The following FGGY variants were observed in gnomAD, a reference collection of about 807,000 sequenced individuals.
FGGY encodes the protein FGGY carbohydrate kinase domain-containing protein.
A neutral mutation model predicts 71.3 loss-of-function variants in FGGY; 72 were observed. The ratio of observed to expected loss-of-function variants is 1.01; its 90% CI spans 0.84 to 1.23. The LOEUF (loss-of-function observed/expected upper bound fraction) is 1.23, where lower values mean the gene tolerates loss of function less well. Ranked by LOEUF, FGGY falls within the 50% of genes most tolerant of loss-of-function variation. The probability of loss-of-function intolerance (pLI) is 0.00; values close to 1 mark genes in which losing one functional copy is unlikely to be tolerated. For synonymous variants in FGGY, 251 were observed against 250.3 expected, an observed-to-expected ratio of 1.00 and a Z score of -0.02; for missense variants, 668 against 682.3, an observed-to-expected ratio of 0.98 and a Z score of 0.23.
At chr1:59,579,674 C>T (rs756709643) in intron 8 of FGGY, among the ~76,000 whole-genome samples, 23 of 152,180 alleles carry the variant, frequency 1.5e-4, no homozygotes, top group Non-Finnish European at 3.1e-4. Context: ...CTAGTTCAAG[C>T]AGTTGTGCTC....
At chr1:59,655,241 G>A (rs755688464) in intron 11 of FGGY, among the ~76,000 whole-genome samples, 2 of 152,118 alleles carry the variant, frequency 1.3e-5, no homozygotes, top group East Asian at 1.9e-4. Flanking sequence ...TAAGAGAAAC[G>A]GAAAGAAAAT....
At chr1:59,435,977 T>A (rs2068369783) in intron 5 of FGGY, among the ~76,000 whole-genome samples, 1 of 152,190 alleles carries the variant, frequency 6.6e-6, no homozygotes, top group South Asian at 2.1e-4. Flanking sequence ...TCAGAGAGAC[T>A]GTGGCTGGCC....
intron 14 of FGGY, chr1:59,699,183 A>G (rs1410145769): frequency 4.1e-6 from 4 of 985,342 alleles, no homozygotes; most frequent in Non-Finnish European, 4.8e-6. Context: ...TGAGTCCCTC[A>G]GTGTAAATGT....
intron 2 of FGGY, among the ~76,000 whole-genome samples, chr1:59,324,700 C>T (rs2047070951): frequency 6.6e-6 from 1 of 152,182 alleles, no homozygotes; most frequent in African/African-American, 2.4e-5. Context: ...GACGCTGTCC[C>T]TGCCACTGCT....
intron 4 of FGGY, among the ~76,000 whole-genome samples, chr1:59,365,202 C>T (rs1416133443): frequency 6.6e-6 from 1 of 152,070 alleles, no homozygotes; most frequent in East Asian, 1.9e-4. Flanking sequence ...AGCATGGGAA[C>T]AGTGAAAAGA....
chr1:59,491,738 G>A (rs556938237), intron 6 of FGGY, among the ~76,000 whole-genome samples: 1 of 148,848 alleles, frequency 6.7e-6, no homozygotes, highest in East Asian at 2.0e-4. Flanking sequence ...TTCAAAGGTT[G>A]TTGACACATA....
At chr1:59,307,081 G>A (rs1189602433) in intron 1 of FGGY, among the ~76,000 whole-genome samples, 2 of 152,082 alleles carry the variant, frequency 1.3e-5, no homozygotes, top group Non-Finnish European at 2.9e-5. Flanking sequence ...TTGGGAGGCC[G>A]AGGTGGGAGG....
intron 8 of FGGY, 77 bp downstream of exon 8, chr1:59,554,304 C>A: frequency 8.9e-7 from 1 of 1,120,158 alleles, no homozygotes; most frequent in Non-Finnish European, 1.3e-6. Flanking sequence ...GTGCTGGCTT[C>A]TTCACCCTTT....
chr1:59,422,164 C>A (rs2065552944), intron 5 of FGGY, among the ~76,000 whole-genome samples: 1 of 152,082 alleles, frequency 6.6e-6, no homozygotes. Context: ...CTTGGATAAC[C>A]CTCTGGGAAT....
At chr1:59,342,442 T>C (rs1019028176) in intron 3 of FGGY, among the ~76,000 whole-genome samples, 1 of 152,170 alleles carries the variant, frequency 6.6e-6, no homozygotes, top group African/African-American at 2.4e-5. Context: ...AAATCCTCTA[T>C]TAAAAAGGTA....
At chr1:59,490,328 G>T (rs1247823879) in intron 6 of FGGY, among the ~76,000 whole-genome samples, 28 of 152,138 alleles carry the variant, frequency 1.8e-4, no homozygotes, top group Non-Finnish European at 4.4e-5. Flanking sequence ...GAGATTACAG[G>T]CGTGAGTCAC....
intron 2 of FGGY, 42 bp from the exon 3 acceptor site, chr1:59,339,916 C>T (rs764443621): frequency 3.2e-5 from 39 of 1,207,638 alleles, no homozygotes; most frequent in Non-Finnish European, 4.6e-5. Flanking sequence ...TCTTTAAAGA[C>T]CCTGGTGTTG....
chr1:59,638,764 A>G lies in FGGY; in HGVS notation c.1221+389A>G, dbSNP rs906521210. On this transcript the variant is annotated intron_variant, in intron 11 of 15. Coordinates refer to ENST00000303721, the MANE Select transcript of FGGY (RefSeq NM_018291.5). ...CCATGGTCTTGCTGGCCACAGCCAC[A>G]CATCTGCCTAGGCTCTGAGTCAGGG... is the stretch of plus-strand genomic sequence containing the variant. Among the ~76,000 whole-genome samples, 4 of 152,242 alleles carry G rather than the reference A, an allele frequency of 2.6e-5. No individual in the cohort carries two copies. The South Asian group carries it at 6.2e-4, about 24-fold the overall frequency.
At chr1:59,385,799 A>G (rs1410067244) in intron 5 of FGGY, among the ~76,000 whole-genome samples, 1 of 152,094 alleles carries the variant, frequency 6.6e-6, no homozygotes, top group Admixed American at 6.6e-5. Context: ...ATTACTAATA[A>G]CTTTGTTTCC....
rs559650374 is a variant in FGGY, at chr1:59,509,866, G to A, written c.671-2445G>A. Among the ~76,000 whole-genome samples the A allele has an allele frequency of 4.6e-5, 7 of 152,184 alleles. No individual in the cohort carries two copies. The East Asian group carries it at 1.2e-3, about 25-fold the overall frequency. On this transcript the variant is annotated intron_variant, in intron 6 of 15. Coordinates refer to ENST00000303721, the MANE Select transcript of FGGY (RefSeq NM_018291.5). Reference sequence around the variant, plus strand: ...AAAACTTGGAAGAGTGCCCCACCCTGCTAATCCTGTCTAGAACCTTTTTTA... The same window carrying A: ...AAAACTTGGAAGAGTGCCCCACCCTACTAATCCTGTCTAGAACCTTTTTTA...
At chr1:59,729,254 C>A (rs891391329) in intron 14 of FGGY, among the ~76,000 whole-genome samples, 2 of 151,774 alleles carry the variant, frequency 1.3e-5, no homozygotes, top group Non-Finnish European at 2.9e-5. Flanking sequence ...ATTTTCGTCT[C>A]TCGTTACATT....
At chr1:59,375,109 A>G (rs1274406410) in intron 4 of FGGY, among the ~76,000 whole-genome samples, 1 of 151,624 alleles carries the variant, frequency 6.6e-6, no homozygotes, top group Non-Finnish European at 1.5e-5. Context: ...AAAAAAAAAA[A>G]AATGGCAGGG....
chr1:59,498,794 C>T (rs1217054079), intron 6 of FGGY, among the ~76,000 whole-genome samples: 1 of 152,270 alleles, frequency 6.6e-6, no homozygotes, highest in African/African-American at 2.4e-5. Flanking sequence ...TTTCTCTGCT[C>T]GATTTCCACG....
At chr1:59,689,959 C>T (rs1380835885) in intron 14 of FGGY, among the ~76,000 whole-genome samples, 2 of 152,164 alleles carry the variant, frequency 1.3e-5, no homozygotes, top group Non-Finnish European at 2.9e-5. Context: ...AAATTCCTAC[C>T]AAGTTGGCCC....
Sources: gnomAD v4.1 joint callset for allele counts (sites outside exome capture counted in the v4.1 genomes callset) on GRCh38, gnomAD v4.1.1 for gene constraint, MANE v1.5 for transcripts, NCBI Gene and HGNC (gene_info 2026-07-23, HGNC 2026-07-21) for gene names.